The following FRMPD4 variants were observed in gnomAD, a reference collection of about 807,000 sequenced individuals.
FRMPD4 encodes the protein FERM and PDZ domain-containing protein 4.
In FRMPD4, 22 loss-of-function variants were observed where a neutral mutation model predicts 94.1. The ratio of observed to expected loss-of-function variants is 0.23; its 90% CI spans 0.17 to 0.33. The LOEUF is 0.33. Among genes scored for constraint, FRMPD4 ranks in the 10% least tolerant of loss-of-function variants. The pLI is 1.00. For synonymous variants in FRMPD4, 631 were observed against 548.6 expected (o/e 1.15, Z -2.10); for missense variants, 1,111 against 1,339.9 (o/e 0.83, Z 2.67).
chrX:12,660,578 G>C (rs1482561939), intron 4 of FRMPD4, among the ~76,000 whole-genome samples: 1 of 112,490 alleles, frequency 8.9e-6, no homozygotes, highest in Non-Finnish European at 1.9e-5. Flanking sequence ...TGATAAGGGA[G>C]ACATGTTGAA....
intron 2 of FRMPD4, among the ~76,000 whole-genome samples, chrX:12,600,521 A>G (rs1201914528): frequency 3.6e-5 from 4 of 112,330 alleles, no homozygotes; most frequent in African/African-American, 1.3e-4. Flanking sequence ...CTACATTCAG[A>G]CCACAATCCA....
chrX:12,270,263 T>G (rs867664659), intron 1 of FRMPD4, among the ~76,000 whole-genome samples: 2 of 31,463 alleles, frequency 6.4e-5, no homozygotes, highest in Admixed American at 3.6e-4. Context: ...TTGTCTTTTT[T>G]GAAAAAAAAA....
chrX:12,613,693 C>T (rs2059205480), intron 3 of FRMPD4, among the ~76,000 whole-genome samples: 2 of 111,569 alleles, frequency 1.8e-5, no homozygotes, highest in African/African-American at 6.5e-5. Flanking sequence ...AAAAAGTAAA[C>T]AGGGCCGGGT....
At chrX:12,091,768 G>A (rs993218492) in intron 3 of FRMPD4, among the ~76,000 whole-genome samples, 13 of 111,579 alleles carry the variant, frequency 1.2e-4, no homozygotes, top group Admixed American at 7.6e-4. Flanking sequence ...CCTACAATAT[G>A]CAGGGTATCC....
chrX:12,424,450 C>T (rs966427878), intron 1 of FRMPD4, among the ~76,000 whole-genome samples: 10 of 112,650 alleles, frequency 8.9e-5, no homozygotes, highest in Non-Finnish European at 1.7e-4. Context: ...TTTCTCTTGG[C>T]ACAAAAGAGT....
chrX:12,697,228 G>T (rs2060142217), intron 9 of FRMPD4, among the ~76,000 whole-genome samples: 1 of 111,999 alleles, frequency 8.9e-6, no homozygotes, highest in African/African-American at 3.3e-5. Flanking sequence ...CCCCTCACTT[G>T]TCAACAATAT....
intron 1 of FRMPD4, among the ~76,000 whole-genome samples, chrX:12,152,923 ATT>A (rs11432329): frequency 0.051 from 3,885 of 75,476 alleles, 249 homozygotes; most frequent in East Asian, 0.47. Context: ...AAGCTTATAC[ATT>A]TTTTTTTTTT....
intron 2 of FRMPD4, among the ~76,000 whole-genome samples, chrX:12,545,932 C>T (rs1458250573): frequency 8.9e-6 from 1 of 112,582 alleles, no homozygotes; most frequent in Non-Finnish European, 1.9e-5. Context: ...ATCAGTCAGT[C>T]AGTGGTTTTT....
chrX:12,705,446 C>T (rs2041858360), intron 11 of FRMPD4, among the ~76,000 whole-genome samples: 1 of 111,470 alleles, frequency 9.0e-6, no homozygotes, highest in African/African-American at 3.3e-5. Context: ...ACGTGGAGAA[C>T]CATTTTGTCT....
chrX:12,148,931 G>T (rs769196146), intron 1 of FRMPD4, among the ~76,000 whole-genome samples: 88 of 112,050 alleles, frequency 7.9e-4, no homozygotes, highest in African/African-American at 2.6e-3. Context: ...ACACTGTTGA[G>T]ACTTATATTC....
chrX:12,531,069 A>C (rs2058280978), intron 2 of FRMPD4, among the ~76,000 whole-genome samples: 1 of 110,426 alleles, frequency 9.1e-6, no homozygotes, highest in African/African-American at 3.4e-5. Flanking sequence ...GAGAGCAATT[A>C]GAAAATTAAT....
At chrX:12,232,210 A>G (rs1265483292) in intron 1 of FRMPD4, among the ~76,000 whole-genome samples, 1 of 111,583 alleles carries the variant, frequency 9.0e-6, no homozygotes, top group Non-Finnish European at 1.9e-5. Context: ...TTTACTTAGT[A>G]CTTGTATTAG....
intron 1 of FRMPD4, among the ~76,000 whole-genome samples, chrX:12,276,279 A>G (rs774311644): frequency 8.9e-6 from 1 of 112,415 alleles, no homozygotes; most frequent in East Asian, 2.8e-4. Flanking sequence ...GAGTGACCAA[A>G]GGACGATGAC....
intron 1 of FRMPD4, among the ~76,000 whole-genome samples, chrX:12,308,895 G>A (rs1160188168): frequency 8.9e-6 from 1 of 112,904 alleles, no homozygotes; most frequent in Non-Finnish European, 1.9e-5. Flanking sequence ...AGCCAGCGTG[G>A]CATGCGCCAA....
intron 1 of FRMPD4, among the ~76,000 whole-genome samples, chrX:12,162,813 G>A (rs138444137): frequency 0.027 from 3,009 of 111,216 alleles, 98 homozygotes; most frequent in African/African-American, 0.093. Flanking sequence ...TTCTTTAATG[G>A]CCAAACATAC....
chrX:12,056,447 G>A (rs761992878), intron 3 of FRMPD4, among the ~76,000 whole-genome samples: 8 of 111,558 alleles, frequency 7.2e-5, no homozygotes, highest in Admixed American at 1.9e-4. Context: ...ACACAGGAAC[G>A]TTGGGGGAGG....
chrX:12,177,598 A>G (rs1211371611), intron 1 of FRMPD4, among the ~76,000 whole-genome samples: 1 of 112,275 alleles, frequency 8.9e-6, no homozygotes, highest in Non-Finnish European at 1.9e-5. Flanking sequence ...TAATGAACGT[A>G]TTTAACCTTT....
At chrX:12,343,005 C>T (rs1275768137) in intron 1 of FRMPD4, among the ~76,000 whole-genome samples, 2 of 111,840 alleles carry the variant, frequency 1.8e-5, no homozygotes, top group Non-Finnish European at 3.8e-5. Context: ...TGATGCCTTA[C>T]TACTTAGAAG....
At chrX:12,700,997 G>T (rs927255957) in intron 9 of FRMPD4, among the ~76,000 whole-genome samples, 1 of 107,736 alleles carries the variant, frequency 9.3e-6, no homozygotes, top group African/African-American at 3.4e-5. Flanking sequence ...AGTGACAGTA[G>T]TAAACATGTA....
Sources: gnomAD v4.1 joint callset for allele counts (sites outside exome capture counted in the v4.1 genomes callset) on GRCh38, gnomAD v4.1.1 for gene constraint, MANE v1.5 for transcripts, NCBI Gene and HGNC (gene_info 2026-07-23, HGNC 2026-07-21) for gene names.